Variants in SERTM2 observed in about 807,000 individuals in gnomAD.
SERTM2 encodes the protein serine rich and transmembrane domain containing 2, also known as serine-rich and transmembrane domain-containing protein 2.
At chrX:111,517,536 A>T (rs781750176) in intron 2 of SERTM2, among the ~76,000 whole-genome samples, 11 of 111,689 alleles carry the variant, frequency 9.8e-5, no homozygotes, top group African/African-American at 3.2e-4. Context: ...TGCATCCTTC[A>T]TCATTGGTAT....
In SERTM2 at chrX:111,520,941, T is replaced by C. The variant is rs987463749; in HGVS notation, c.*1811T>C. On this transcript the variant is annotated 3_prime_UTR_variant, in exon 3 of 3. Transcript: ENST00000569275. Reference sequence around the variant, plus strand: ...AGTGGACCCTTTAAAATTTGAGCTTTGGCAGCCAAACATGGACTTCCTCAA... The same window carrying C: ...AGTGGACCCTTTAAAATTTGAGCTTCGGCAGCCAAACATGGACTTCCTCAA... The C allele has an allele frequency of 1.8e-5, 2 of 111,935 alleles. No homozygotes were observed. The highest frequency in any genetic ancestry group is 6.5e-5 in the African/African-American group (2 of 30,756). 9.2% of individuals were successfully genotyped at this position (111,935 alleles called of 1,213,427 possible).
At chrX:111,514,214 C>T (rs1213197441) in intron 2 of SERTM2, among the ~76,000 whole-genome samples, 1 of 111,285 alleles carries the variant, frequency 9.0e-6, no homozygotes, top group East Asian at 2.8e-4. Flanking sequence ...TATTAGCAAT[C>T]GGATCAGAGA....
intron 2 of SERTM2, among the ~76,000 whole-genome samples, chrX:111,514,663 T>C (rs977363992): frequency 1.8e-5 from 2 of 111,610 alleles, no homozygotes; most frequent in East Asian, 5.6e-4. Flanking sequence ...GGCCAAGGCA[T>C]TGACAGCCTT....
rs1271676476 is a variant in SERTM2 at position 111,518,970 on chromosome X, A to G, written c.113A>G (p.Tyr38Cys). 1 of 295,873 alleles carries G rather than the reference A, an allele frequency of 3.4e-6. No individual in the cohort carries two copies. Among genetic ancestry groups the G allele is most frequent in the African/African-American group, 2.7e-5 (1 of 36,406 alleles). The allele number at this position is 295,873 out of a possible 1,213,427, so 24.4% of individuals were successfully genotyped here. A position where few individuals can be genotyped will look rare whatever the true frequency, so the allele number is the denominator to read the frequency against. Reference sequence around the variant, plus strand: ...GACAAGTATTCCAACCTGTACATGTATGTGGGCTTATTCCTGAGCCTCCTG... The same window carrying G: ...GACAAGTATTCCAACCTGTACATGTGTGTGGGCTTATTCCTGAGCCTCCTG... ...SSDKYSNLYM[Y>C]VGLFLSLLAI... The change falls in exon 3 of 3, where the codon TAT becomes TGT. Residue 38 changes from tyrosine to cysteine, a missense_variant. Physicochemically the swap from Tyr to Cys is radical, Grantham distance 194 (BLOSUM62 -2). Transcript: ENST00000569275.
chrX:111,512,250 A>G (rs1930240022), intron 2 of SERTM2, among the ~76,000 whole-genome samples, 156 bp downstream of exon 2: 1 of 112,337 alleles, frequency 8.9e-6, no homozygotes, highest in African/African-American at 3.2e-5. Flanking sequence ...CCAGCCACTG[A>G]AGAAGCATTT....
intron 2 of SERTM2, among the ~76,000 whole-genome samples, chrX:111,513,873 T>C (rs867160994): frequency 2.8e-4 from 31 of 111,771 alleles, no homozygotes; most frequent in African/African-American, 9.7e-4. Flanking sequence ...CCAAGCTTCA[T>C]AGAATTCTAA....
At chrX:111,517,670 G>A (rs760282171) in intron 2 of SERTM2, among the ~76,000 whole-genome samples, 1 of 97,376 alleles carries the variant, frequency 1.0e-5, no homozygotes, top group Non-Finnish European at 1.9e-5. Flanking sequence ...AATATGGGTG[G>A]CTATTTTTTT....
Position 111,518,489 on chromosome X carries a change from AT to A in SERTM2, c.-368del, listed in dbSNP as rs1489970707. 10 of 148,201 alleles carry A rather than the reference AT, an allele frequency of 6.7e-5. No individual in the cohort carries two copies. The highest frequency in any genetic ancestry group is 1.2e-4 in the Non-Finnish European group (9 of 77,288). 12.2% of individuals were successfully genotyped at this position (148,201 alleles called of 1,213,427 possible). ...GAAAACAGAGCAAAACACTGATATA[AT>A]ACTCTAAAAGATTCTTGTTCTAATA... On this transcript the variant is annotated 5_prime_UTR_variant, in exon 3 of 3. Transcript: ENST00000569275.
chrX:111,512,609 C>T (rs181100462), intron 2 of SERTM2, among the ~76,000 whole-genome samples: 26 of 111,753 alleles, frequency 2.3e-4, no homozygotes, highest in African/African-American at 8.1e-4. Context: ...TTTATATCTC[C>T]AGCACCTAAA....
At chrX:111,517,277 G>A (rs1051292681) in intron 2 of SERTM2, among the ~76,000 whole-genome samples, 1 of 111,315 alleles carries the variant, frequency 9.0e-6, no homozygotes, top group Non-Finnish European at 1.9e-5. Context: ...AGTAACAATT[G>A]TCACTGGGAT....
intron 2 of SERTM2, among the ~76,000 whole-genome samples, chrX:111,513,788 A>C (rs918770213): frequency 1.8e-5 from 2 of 111,736 alleles, no homozygotes; most frequent in African/African-American, 6.5e-5. Flanking sequence ...GTGATTAGCT[A>C]GTTTTCCAAA....
Position 111,521,962 on chromosome X carries a change from G to A in SERTM2, c.*2832G>A, listed in dbSNP as rs1377286238. ...TGCATATATTTCAGAATCATGGGTTGTACAAAATGAAGTATATTGTAAAAG... is the reference window on the plus strand; with the variant it reads ...TGCATATATTTCAGAATCATGGGTTATACAAAATGAAGTATATTGTAAAAG... On this transcript the variant is annotated 3_prime_UTR_variant, in exon 3 of 3. Coordinates refer to ENST00000569275, the MANE Select transcript of SERTM2 (RefSeq NM_001354473.2). 1 of 111,606 alleles carries A rather than the reference G, an allele frequency of 9.0e-6. No homozygotes were observed. Among genetic ancestry groups the A allele is most frequent in the Non-Finnish European group, 1.9e-5 (1 of 53,179 alleles). The allele number at this position is 111,606 out of a possible 1,213,427, so 9.2% of individuals were successfully genotyped here.
Position 111,512,010 on chromosome X carries a change from T to C in SERTM2, c.-868T>C, listed in dbSNP as rs1437884481. 3.4e-6 allele frequency: 1 copy of C among 295,348 alleles called. No homozygotes were observed. The highest frequency in any genetic ancestry group is 5.9e-6 in the Non-Finnish European group (1 of 169,344). The allele number at this position is 295,348 out of a possible 1,213,427, so 24.3% of individuals were successfully genotyped here. A position where few individuals can be genotyped will look rare whatever the true frequency, so the allele number is the denominator to read the frequency against. On this transcript the variant is annotated 5_prime_UTR_variant, in exon 2 of 3. It removes an upstream start codon present in the reference 5' UTR. Coordinates refer to ENST00000569275, the MANE Select transcript of SERTM2 (RefSeq NM_001354473.2). ...TTCTATGTTCCAGCTATTCCAGAGA[T>C]GTTCCTGAACAAGTTACCTGTTGGT...
intron 2 of SERTM2, among the ~76,000 whole-genome samples, chrX:111,514,574 TG>T (rs1481816408): frequency 9.0e-6 from 1 of 111,094 alleles, no homozygotes; most frequent in Non-Finnish European, 1.9e-5. Flanking sequence ...AACAAAAATG[TG>T]GAAGCAGGGA....
At position 111,520,805 on chromosome X, in the gene SERTM2, T is replaced by C. The variant is rs989625104; in HGVS notation, c.*1675T>C. ...TGCACTCTGCATCATTCAAAACAAA[T>C]TAGCAGATAGGCTAAGACTTGGATA... On this transcript the variant is annotated 3_prime_UTR_variant, in exon 3 of 3. Transcript: ENST00000569275. The C allele has an allele frequency of 1.8e-5, 2 of 112,359 alleles. No homozygotes were observed. Among genetic ancestry groups the C allele is most frequent in the Non-Finnish European group, 3.8e-5 (2 of 53,307 alleles). The allele number at this position is 112,359 out of a possible 1,213,427, so 9.3% of individuals were successfully genotyped here.
intron 2 of SERTM2, among the ~76,000 whole-genome samples, chrX:111,514,420 A>G (rs1321223205): frequency 1.8e-5 from 2 of 111,989 alleles, no homozygotes; most frequent in East Asian, 5.6e-4. Flanking sequence ...AATATTTGTC[A>G]AATTTAATTC....
chrX:111,512,027 C>T lies in SERTM2; in HGVS notation c.-851C>T. On this transcript the variant is annotated 5_prime_UTR_variant, in exon 2 of 3. Transcript: ENST00000569275. ...TCCAGAGATGTTCCTGAACAAGTTA[C>T]CTGTTGGTGAAAGCTTCAAAAGGGA... 6.8e-6 allele frequency: 2 copies of T among 295,052 alleles called. No individual in the cohort carries two copies. Among genetic ancestry groups the T allele is most frequent in the Non-Finnish European group, 1.2e-5 (2 of 169,249 alleles). 24.3% of individuals were successfully genotyped at this position (295,052 alleles called of 1,213,427 possible). A position where few individuals can be genotyped will look rare whatever the true frequency, so the allele number is the denominator to read the frequency against.
chrX:111,518,868 C>A lies in SERTM2; in HGVS notation c.11C>A (p.Ala4Glu), dbSNP rs1445985439. 3.4e-6 allele frequency: 1 copy of A among 295,707 alleles called. No individual in the cohort carries two copies. The highest frequency in any genetic ancestry group is 5.9e-6 in the Non-Finnish European group (1 of 169,823). The allele number at this position is 295,707 out of a possible 1,213,427, so 24.4% of individuals were successfully genotyped here. The change falls in exon 3 of 3, where the codon GCG (alanine) becomes GAG (glutamate). Residue 4 changes from alanine to glutamate, a missense_variant. By Grantham distance (107) the Ala-to-Glu change is moderately radical (BLOSUM62 -1). Transcript: ENST00000569275. Reference sequence around the variant, plus strand: ...CTCAAGTCTTGAGTGATGATGGAGGCGCATTTTAAATACCATGGAAATCTC... The same window carrying A: ...CTCAAGTCTTGAGTGATGATGGAGGAGCATTTTAAATACCATGGAAATCTC... MME[A>E]HFKYHGNLTG...
In SERTM2 at chrX:111,520,732, C is replaced by A. The variant is rs966278920; in HGVS notation, c.*1602C>A. 19 of 112,379 alleles carry A rather than the reference C, an allele frequency of 1.7e-4. No homozygotes were observed. In the Admixed American group the frequency reaches 1.7e-3, roughly 10 times the overall value. The allele number at this position is 112,379 out of a possible 1,213,427, so 9.3% of individuals were successfully genotyped here. On this transcript the variant is annotated 3_prime_UTR_variant, in exon 3 of 3. Transcript: ENST00000569275. ...TGCAGAGCTAAACTTAGCAGTAAGA[C>A]TGACTCTGCCACACCTGTTACAACT...
Sources: gnomAD v4.1 joint callset for allele counts (sites outside exome capture counted in the v4.1 genomes callset) on GRCh38, gnomAD v4.1.1 for gene constraint, MANE v1.5 for transcripts, NCBI Gene and HGNC (gene_info 2026-07-23, HGNC 2026-07-21) for gene names.